The following SHANK1 variants were observed in gnomAD, a reference collection of about 807,000 sequenced individuals.
SHANK1 encodes the protein SH3 and multiple ankyrin repeat domains protein 1.
SHANK1 carries 35 observed loss-of-function variants against 165.6 expected under a neutral mutation model. That is an observed-to-expected ratio of 0.21 (90% CI 0.16 to 0.28). The LOEUF (loss-of-function observed/expected upper bound fraction) is 0.28, where lower values mean the gene tolerates loss of function less well. Among genes scored for constraint, SHANK1 ranks in the 10% least tolerant of loss-of-function variants. The pLI is 1.00. For synonymous variants in SHANK1, 1,428 were observed against 1,384.8 expected (o/e 1.03, Z -0.69); for missense variants, 2,681 against 3,036.4 (o/e 0.88, Z 2.75).
intron 15 of SHANK1, among the ~76,000 whole-genome samples, chr19:50,691,473 C>T (rs1324930829): frequency 6.6e-6 from 1 of 152,052 alleles, no homozygotes; most frequent in Admixed American, 6.6e-5. Flanking sequence ...CTCTCTTGCC[C>T]CCTCATCAGC....
intron 21 of SHANK1, among the ~76,000 whole-genome samples, chr19:50,673,366 G>A (rs1985867228): frequency 6.6e-6 from 1 of 151,876 alleles, no homozygotes; most frequent in Non-Finnish European, 1.5e-5. Flanking sequence ...TTGCTCCCTT[G>A]GTCCACCTCC....
In SHANK1 at chr19:50,718,676, GA is replaced by G. The variant is rs1470977908; in HGVS notation, c.-44+729del. On this transcript the variant is annotated intron_variant, in intron 1 of 23. Coordinates refer to ENST00000293441, the MANE Select transcript of SHANK1 (RefSeq NM_016148.5). This position sits in a 1 kb window ranked among gnomAD's most constrained non-coding sequence, Gnocchi z 5.1. ...GGGGTGCCCTGGGAGGCTGTGGGGG[GA>G]CAGGGGGCGGCTGGCGTGGCCGAGA... Among the ~76,000 whole-genome samples the G allele has an allele frequency of 1.3e-5, 2 of 151,154 alleles. No homozygotes were observed. Among genetic ancestry groups the G allele is most frequent in the East Asian group, 2.0e-4 (1 of 5,128 alleles).
At position 50,713,945 on chromosome 19, in the gene SHANK1, G is replaced by A. The variant is rs1052132759; in HGVS notation, c.645C>T (p.Thr215=). 6.2e-7 allele frequency: 1 copy of A among 1,613,710 alleles called. No individual in the cohort carries two copies. Among genetic ancestry groups the A allele is most frequent in the Non-Finnish European group, 8.5e-7 (1 of 1,179,812 alleles). The part of the protein sequence containing the change: ...PNYHDSDSGE[T]PLTLAAQTEG... Reference sequence around the variant, plus strand: ...CGGTCTGGGCCGCCAGTGTCAAGGGGGTCTCTGAAGGGCGGGAAAAGCTGG... The same window carrying A: ...CGGTCTGGGCCGCCAGTGTCAAGGGAGTCTCTGAAGGGCGGGAAAAGCTGG... The change falls in exon 6 of 24, where the codon ACC becomes ACT. Residue 215 remains threonine, a synonymous_variant. Coordinates refer to ENST00000293441, the MANE Select transcript of SHANK1 (RefSeq NM_016148.5). The surrounding 1 kb of genome is among the most constrained non-coding windows in gnomAD (Gnocchi z 6.2).
At chr19:50,673,814 C>CTTT (rs35868452) in intron 21 of SHANK1, among the ~76,000 whole-genome samples, 9 of 144,450 alleles carry the variant, frequency 6.2e-5, no homozygotes, top group African/African-American at 1.3e-4. Flanking sequence ...AAAATTTAAA[C>CTTT]TTTTTTTTTT....
chr19:50,708,977 T>C (rs774598530), intron 8 of SHANK1, among the ~76,000 whole-genome samples: 2 of 152,110 alleles, frequency 1.3e-5, no homozygotes, highest in African/African-American at 2.4e-5. Flanking sequence ...GAGGAAAAAC[T>C]GTCAGACTCA....
chr19:50,716,425 C>A lies in SHANK1; in HGVS notation c.309G>T (p.Val103=). Residue 103 remains valine (V), a synonymous_variant, in exon 3 of 24, where the codon GTG becomes GTT. Transcript: ENST00000293441. This position sits in a 1 kb window ranked among gnomAD's most constrained non-coding sequence, Gnocchi z 8.4. The part of the protein sequence containing the change: ...DATIWTAKQQ[V]LCALSESLQD... The stretch of plus-strand genomic sequence containing the variant: ...GCAGGCTCTCGCTCAGGGCACAGAG[C>A]ACCTGCTGCTTGGCCGTCCAGATGG... 6.2e-7 allele frequency: 1 copy of A among 1,614,214 alleles called. No individual in the cohort carries two copies. Among genetic ancestry groups the A allele is most frequent in the Non-Finnish European group, 8.5e-7 (1 of 1,180,032 alleles).
intron 16 of SHANK1, 36 bp from the exon 17 acceptor site, chr19:50,689,004 AG>A: frequency 9.4e-6 from 11 of 1,169,580 alleles, no homozygotes; most frequent in Non-Finnish European, 1.1e-5. Context: ...GTCGGAGGGG[AG>A]GGGGTGGAGA....
At position 50,668,217 on chromosome 19, in the gene SHANK1, T is replaced by C. The variant is rs1985633042; in HGVS notation, c.3743A>G (p.Asn1248Ser). The C allele has an allele frequency of 1.3e-6, 2 of 1,497,580 alleles. No homozygotes were observed. The highest frequency in any genetic ancestry group is 2.8e-5 in the East Asian group (1 of 36,050). The allele number at this position is 1,497,580 out of a possible 1,614,324, so 92.8% of individuals were successfully genotyped here. Reference sequence around the variant, plus strand: ...CAGCGTGGAGCGCCGGCGCGCCTCATTCTGCCAGCCCCCCTCCCTCCGGGC... The same window carrying C: ...CAGCGTGGAGCGCCGGCGCGCCTCACTCTGCCAGCCCCCCTCCCTCCGGGC... ...GAARREGGWQ[N>S]EARRRSTLFL... Residue 1248 changes from asparagine to serine, a missense_variant, in exon 23 of 24, where the codon AAT becomes AGT. Transcript: ENST00000293441.
At position 50,668,120 on chromosome 19, in the gene SHANK1, C is replaced by G; in HGVS notation, c.3840G>C (p.Pro1280=). The G allele has an allele frequency of 6.8e-7, 1 of 1,475,548 alleles. No homozygotes were observed. Among genetic ancestry groups the G allele is most frequent in the Non-Finnish European group, 8.9e-7 (1 of 1,119,012 alleles). 91.4% of individuals were successfully genotyped at this position (1,475,548 alleles called of 1,614,324 possible). Residue 1280 remains proline, a synonymous_variant, in exon 23 of 24, where the codon CCG becomes CCC. Coordinates refer to ENST00000293441, the MANE Select transcript of SHANK1 (RefSeq NM_016148.5). ...CGATGGATTTGGAGTGGCGCAGCCG[C>G]GGGCCCGGGGCCGCCCCTGTGCCCA... ...GGLGTGAAPG[P]RLRHSKSIDE...
intron 21 of SHANK1, among the ~76,000 whole-genome samples, chr19:50,684,919 T>C (rs1224305065): frequency 2.0e-5 from 3 of 152,252 alleles, no homozygotes; most frequent in Admixed American, 6.5e-5. Context: ...AGAAACTACA[T>C]TTTAGTGTAA....
chr19:50,665,702 C>T (rs543983325), intron 23 of SHANK1, among the ~76,000 whole-genome samples: 1 of 144,720 alleles, frequency 6.9e-6, no homozygotes, highest in South Asian at 2.2e-4. Flanking sequence ...TACACCACTG[C>T]ACTCCAGCCG....
At chr19:50,675,321 C>G (rs976330765) in intron 21 of SHANK1, among the ~76,000 whole-genome samples, 1 of 152,190 alleles carries the variant, frequency 6.6e-6, no homozygotes, top group African/African-American at 2.4e-5. Context: ...GTTGCACTGG[C>G]CACATTTGAA....
At chr19:50,695,224 A>G (rs1599860463) in intron 15 of SHANK1, among the ~76,000 whole-genome samples, 1 of 116,804 alleles carries the variant, frequency 8.6e-6, no homozygotes, top group South Asian at 3.2e-4. Context: ...CGCGGGAGGG[A>G]GGGCAGGGCC....
intron 1 of SHANK1, among the ~76,000 whole-genome samples, chr19:50,719,091 C>T: frequency 1.2e-5 from 1 of 83,158 alleles, no homozygotes; most frequent in Middle Eastern, 7.2e-3. Flanking sequence ...CCGGGCTGGG[C>T]GGGGAGGCGG....
Position 50,686,380 on chromosome 19 carries a change from G to T in SHANK1, c.2459-25C>A. 6.8e-7 allele frequency: 1 copy of T among 1,472,642 alleles called. No homozygotes were observed. Among genetic ancestry groups the T allele is most frequent in the Non-Finnish European group, 9.3e-7 (1 of 1,075,832 alleles). 91.2% of individuals were successfully genotyped at this position (1,472,642 alleles called of 1,614,324 possible). On this transcript the variant is annotated intron_variant, in intron 20 of 23. Coordinates refer to ENST00000293441, the MANE Select transcript of SHANK1 (RefSeq NM_016148.5). This position sits in a 1 kb window ranked among gnomAD's most constrained non-coding sequence, Gnocchi z 5.7. Reference sequence around the variant, plus strand: ...TCTAGGGGTAGATGAATGAACAGAGGTGGGAAGACAATGAAATGAAGTTTG... The same window carrying T: ...TCTAGGGGTAGATGAATGAACAGAGTTGGGAAGACAATGAAATGAAGTTTG...
At position 50,662,495 on chromosome 19, in the gene SHANK1, C is replaced by T. The variant is rs201403182; in HGVS notation, c.5956G>A (p.Val1986Met). 1.0e-4 allele frequency: 158 copies of T among 1,557,792 alleles called. 1 individual carries two copies. The African/African-American group carries it at 1.8e-3, about 17-fold the overall frequency. Residue 1986 changes from valine to methionine, a missense_variant, in exon 24 of 24, where the codon GTG becomes ATG. This residue lies in a region of SHANK1 where 1,713 missense variants were observed against 1,630.2 expected (regional missense o/e 1.05). Transcript: ENST00000293441. The surrounding 1 kb of genome is among the most constrained non-coding windows in gnomAD (Gnocchi z 7.7). ...AGAGGGGGCCGCATCTCGAACTCCACGCCCTGGAGGTGGCGGGTGGACGTG... is the reference window on the plus strand; with the variant it reads ...AGAGGGGGCCGCATCTCGAACTCCATGCCCTGGAGGTGGCGGGTGGACGTG... ...SSTSTRHLQG[V>M]EFEMRPPLLR... is the part of the protein sequence containing the mutation.
intron 8 of SHANK1, among the ~76,000 whole-genome samples, chr19:50,706,690 C>A (rs2088942147): frequency 1.3e-5 from 2 of 151,890 alleles, no homozygotes; most frequent in African/African-American, 4.8e-5. Context: ...TGCACAAATG[C>A]CGCCTCTTCA....
In SHANK1 at chr19:50,686,899, C is replaced by G; in HGVS notation, c.2390-87G>C. 6.6e-7 allele frequency: 1 copy of G among 1,503,802 alleles called. No homozygotes were observed. The highest frequency in any genetic ancestry group is 1.4e-5 in the African/African-American group (1 of 70,922). 93.2% of individuals were successfully genotyped at this position (1,503,802 alleles called of 1,614,324 possible). A position where few individuals can be genotyped will look rare whatever the true frequency, so the allele number is the denominator to read the frequency against. The stretch of plus-strand genomic sequence containing the variant: ...GGCCTGTGGGCGTGGCCAGCAGGTG[C>G]GGGCCAGTGGGCGTGGCGGGCGCGA... On this transcript the variant is annotated intron_variant, in intron 19 of 23. Transcript: ENST00000293441. This position sits in a 1 kb window ranked among gnomAD's most constrained non-coding sequence, Gnocchi z 5.7.
rs187594619 is a variant in SHANK1, at chr19:50,719,097, G to C, written c.-44+309C>G. Among the ~76,000 whole-genome samples, 119 of 151,432 alleles carry C rather than the reference G, an allele frequency of 7.9e-4. 1 individual carries two copies. The highest frequency in any genetic ancestry group is 2.7e-3 in the African/African-American group (111 of 41,290). On this transcript the variant is annotated intron_variant, in intron 1 of 23. Coordinates refer to ENST00000293441, the MANE Select transcript of SHANK1 (RefSeq NM_016148.5). ...GGGGAGTGGCCGGGCTGGGCGGGGA[G>C]GCGGGTACCAGGACCGAGCCCTTGG...
Sources: allele counts gnomAD v4.1 joint callset (sites outside exome capture counted in the v4.1 genomes callset), GRCh38; gene constraint gnomAD v4.1.1; regional missense constraint gnomAD v4.1.1; non-coding constraint Gnocchi (gnomAD v3.1); transcripts MANE v1.5; gene names NCBI Gene and HGNC (gene_info 2026-07-23, HGNC 2026-07-21).